Variants in TAFA1 observed in about 807,000 individuals in gnomAD.
TAFA1 encodes the protein TAFA chemokine like family member 1.
In TAFA1, 4 loss-of-function variants were observed where a neutral mutation model predicts 18.5. The observed-to-expected ratio is 0.22, with a 90% CI of 0.11 to 0.49. The LOEUF is 0.49. TAFA1 is among the 20% of genes least tolerant of loss of function. TAFA1 has a pLI of 0.98. For missense variants in TAFA1, 147 were observed against 169.0 expected (o/e 0.87, Z 0.72); for synonymous variants, 56 against 55.2 (o/e 1.01, Z -0.06).
In TAFA1 at chr3:68,290,230, A is replaced by G. The variant is rs115534821; in HGVS notation, c.119-127050A>G. Among the ~76,000 whole-genome samples the G allele has an allele frequency of 3.1e-3, 471 of 152,284 alleles. 2 individuals carry two copies. Among genetic ancestry groups the G allele is most frequent in the Middle Eastern group, 6.8e-3 (2 of 294 alleles). On this transcript the variant is annotated intron_variant, in intron 2 of 4. Coordinates refer to ENST00000478136, the MANE Select transcript of TAFA1 (RefSeq NM_213609.4). The stretch of plus-strand genomic sequence containing the variant: ...TATTTCTCAAATTTATTTTTCCATA[A>G]AAGTGTTCTTAAAGGAAGACCTGCA...
At chr3:68,214,543 G>T (rs2066632159) in intron 2 of TAFA1, among the ~76,000 whole-genome samples, 1 of 152,038 alleles carries the variant, frequency 6.6e-6, no homozygotes, top group Admixed American at 6.6e-5. Context: ...GGTTCACAGA[G>T]ACCAGAGTTC....
chr3:68,359,711 G>A (rs1176170378), intron 2 of TAFA1, among the ~76,000 whole-genome samples: 1 of 151,880 alleles, frequency 6.6e-6, no homozygotes, highest in East Asian at 1.9e-4. Flanking sequence ...TAATAAATTG[G>A]TGTTGTTTCA....
intron 3 of TAFA1, among the ~76,000 whole-genome samples, chr3:68,506,222 T>A (rs2072750824): frequency 6.6e-6 from 1 of 152,152 alleles, no homozygotes; most frequent in African/African-American, 2.4e-5. Context: ...CATGAACTCA[T>A]CCTTTTTATA....
intron 3 of TAFA1, among the ~76,000 whole-genome samples, chr3:68,473,302 C>G (rs1455974398): frequency 1.3e-5 from 2 of 152,178 alleles, no homozygotes; most frequent in Non-Finnish European, 2.9e-5. Flanking sequence ...TAAGCTTCTT[C>G]CCATTGACCT....
chr3:68,431,095 C>G (rs953360932), intron 3 of TAFA1, among the ~76,000 whole-genome samples: 6 of 151,860 alleles, frequency 4.0e-5, no homozygotes, highest in African/African-American at 1.2e-4. Context: ...CCCTAACCCC[C>G]TACAAAAGCC....
intron 2 of TAFA1, among the ~76,000 whole-genome samples, chr3:68,227,123 C>T (rs957674319): frequency 6.6e-6 from 1 of 151,814 alleles, no homozygotes; most frequent in Non-Finnish European, 1.5e-5. Flanking sequence ...GGGGTGGATT[C>T]CTTAAACATC....
At chr3:68,390,214 C>T (rs188456698) in intron 2 of TAFA1, among the ~76,000 whole-genome samples, 181 of 152,274 alleles carry the variant, frequency 1.2e-3, no homozygotes, top group Non-Finnish European at 3.2e-4. Context: ...GGGTTTTCCC[C>T]TCACAGTGTA....
intron 3 of TAFA1, among the ~76,000 whole-genome samples, chr3:68,451,867 G>T (rs2071571514): frequency 6.6e-6 from 1 of 152,188 alleles, no homozygotes; most frequent in Non-Finnish European, 1.5e-5. Flanking sequence ...AGGATTAAAG[G>T]TCAGTTCTGA....
intron 2 of TAFA1, among the ~76,000 whole-genome samples, chr3:68,201,431 T>G (rs556393301): frequency 1.3e-5 from 2 of 151,686 alleles, no homozygotes; most frequent in South Asian, 4.1e-4. Context: ...ACTATGTCCT[T>G]TCTGATTTTC....
chr3:68,159,256 T>C (rs2065898908), intron 2 of TAFA1, among the ~76,000 whole-genome samples: 1 of 152,198 alleles, frequency 6.6e-6, no homozygotes, highest in South Asian at 2.1e-4. Flanking sequence ...CCTCATCGCC[T>C]GATTAGCAGT....
At chr3:68,365,972 C>G (rs542461512) in intron 2 of TAFA1, among the ~76,000 whole-genome samples, 4 of 151,232 alleles carry the variant, frequency 2.6e-5, no homozygotes, top group Non-Finnish European at 5.9e-5. Flanking sequence ...GTAGTCCCAG[C>G]TACTCGGGAG....
chr3:68,268,476 A>G (rs1287261511), intron 2 of TAFA1, among the ~76,000 whole-genome samples: 2 of 152,030 alleles, frequency 1.3e-5, no homozygotes, highest in African/African-American at 4.8e-5. Flanking sequence ...AGTCCTTGAG[A>G]TATTTTCTTC....
intron 3 of TAFA1, among the ~76,000 whole-genome samples, chr3:68,521,724 T>C (rs1170983184): frequency 1.3e-5 from 2 of 151,942 alleles, no homozygotes; most frequent in East Asian, 3.9e-4. Flanking sequence ...CTAAATCAAG[T>C]AACAATGACA....
At chr3:68,121,126 G>A (rs978217633) in intron 2 of TAFA1, among the ~76,000 whole-genome samples, 1 of 151,942 alleles carries the variant, frequency 6.6e-6, no homozygotes, top group Non-Finnish European at 1.5e-5. Context: ...CCAAGGAAAA[G>A]TATATTTTAT....
chr3:68,071,209 A>G (rs1055384569), intron 2 of TAFA1, among the ~76,000 whole-genome samples: 1 of 152,264 alleles, frequency 6.6e-6, no homozygotes, highest in South Asian at 2.1e-4. Context: ...AGGCCTCTCA[A>G]TCATGGCAGA....
At chr3:68,392,842 G>A (rs1380443207) in intron 2 of TAFA1, among the ~76,000 whole-genome samples, 2 of 152,166 alleles carry the variant, frequency 1.3e-5, no homozygotes, top group Non-Finnish European at 2.9e-5. Context: ...GAATCTCTGG[G>A]ACACAGCTAA....
rs547779938 is a variant in TAFA1, at chr3:68,376,521, C to T, written c.119-40759C>T. Reference sequence around the variant, plus strand: ...AACATTCAGTATCTGATTTTCTGTTCGTACGTTAGTTTGCTAAGAATAATG... The same window carrying T: ...AACATTCAGTATCTGATTTTCTGTTTGTACGTTAGTTTGCTAAGAATAATG... On this transcript the variant is annotated intron_variant, in intron 2 of 4. Transcript: ENST00000478136. 3.9e-5 allele frequency among the ~76,000 whole-genome samples: 6 copies of T among 152,088 alleles called. 1 individual carries two copies. The South Asian group carries it at 1.0e-3, about 26-fold the overall frequency.
At position 68,184,396 on chromosome 3, in the gene TAFA1, G is replaced by C. The variant is rs556752072; in HGVS notation, c.118+177652G>C. On this transcript the variant is annotated intron_variant, in intron 2 of 4. Coordinates refer to ENST00000478136, the MANE Select transcript of TAFA1 (RefSeq NM_213609.4). The stretch of plus-strand genomic sequence containing the variant: ...AGAAAATTATTAGAGTCTGTATTTG[G>C]AAACACTGTGGCTAGAAGGTATACC... Among the ~76,000 whole-genome samples, 3 of 152,032 alleles carry C rather than the reference G, an allele frequency of 2.0e-5. No individual in the cohort carries two copies. In the South Asian group the frequency reaches 6.2e-4, roughly 32 times the overall value.
chr3:68,047,933 G>A (rs536683005), intron 2 of TAFA1, among the ~76,000 whole-genome samples: 1 of 152,260 alleles, frequency 6.6e-6, no homozygotes, highest in East Asian at 1.9e-4. Context: ...GCGAATGGAT[G>A]AAGTTGGCCA....
Sources: allele counts gnomAD v4.1 joint callset (sites outside exome capture counted in the v4.1 genomes callset), GRCh38; gene constraint gnomAD v4.1.1; transcripts MANE v1.5; gene names NCBI Gene and HGNC (gene_info 2026-07-23, HGNC 2026-07-21).